The following ALG5 variants were observed in gnomAD, a reference collection of about 807,000 sequenced individuals.
ALG5 encodes dolichyl-phosphate beta-glucosyltransferase.
A neutral mutation model predicts 51.8 loss-of-function variants in ALG5; 26 were observed. That is an observed-to-expected ratio of 0.50 (90% CI 0.37 to 0.70). The LOEUF (loss-of-function observed/expected upper bound fraction) is 0.70, where lower values mean the gene tolerates loss of function less well. ALG5 is among the 30% of genes least tolerant of loss of function. The probability of loss-of-function intolerance (pLI) is 0.00; values close to 1 mark genes in which losing one functional copy is unlikely to be tolerated. For missense variants in ALG5, 311 were observed against 399.3 expected (o/e 0.78, Z 1.88); for synonymous variants, 141 against 136.1 (o/e 1.04, Z -0.25).
intron 9 of ALG5, among the ~76,000 whole-genome samples, chr13:36,951,296 C>T (rs1244129642): frequency 3.0e-4 from 46 of 152,198 alleles, no homozygotes; most frequent in Admixed American, 3.0e-3. Flanking sequence ...ATCCTTTGAC[C>T]TGCTTCCCAA....
At chr13:36,959,927 G>A (rs759976943) in intron 8 of ALG5, among the ~76,000 whole-genome samples, 8 of 151,878 alleles carry the variant, frequency 5.3e-5, no homozygotes, top group Non-Finnish European at 1.2e-4. Flanking sequence ...GACATGAGCT[G>A]ACTGAGATGT....
At chr13:36,987,939 T>C (rs567732789) in intron 5 of ALG5, among the ~76,000 whole-genome samples, 9 of 152,326 alleles carry the variant, frequency 5.9e-5, no homozygotes, top group African/African-American at 2.2e-4. Flanking sequence ...GTTTGTGACC[T>C]TAACTCACCC....
At position 36,999,321 on chromosome 13, in the gene ALG5, G is replaced by T. The variant is rs758874777; in HGVS notation, c.-21C>A. ...GCCATTCTCCATGCCGTGGCAGCCCGCCCAATCCCGCACCTCCACACAGGC... is the reference window on the plus strand; with the variant it reads ...GCCATTCTCCATGCCGTGGCAGCCCTCCCAATCCCGCACCTCCACACAGGC... On this transcript the variant is annotated 5_prime_UTR_variant, in exon 1 of 10. Transcript: ENST00000239891. The T allele has an allele frequency of 4.5e-6, 7 of 1,561,568 alleles. No individual in the cohort carries two copies. The Admixed American group carries it at 9.6e-5, about 21-fold the overall frequency.
At chr13:36,962,158 C>A (rs907590368) in intron 8 of ALG5, among the ~76,000 whole-genome samples, 1 of 151,992 alleles carries the variant, frequency 6.6e-6, no homozygotes, top group African/African-American at 2.4e-5. Flanking sequence ...TATTTGATTT[C>A]GATTTCTTGA....
rs145198826 is a variant in ALG5 at position 36,993,492 on chromosome 13, G to C, written c.354+112C>G. The stretch of plus-strand genomic sequence containing the variant: ...CTGCTATCTAGACTATAACAATGGA[G>C]AGTGTTAGGCACAGCTTTAGGGTCC... On this transcript the variant is annotated intron_variant, in intron 4 of 9. Coordinates refer to ENST00000239891, the MANE Select transcript of ALG5 (RefSeq NM_013338.5). The C allele has an allele frequency of 3.2e-4, 267 of 832,146 alleles. 1 individual carries two copies. The African/African-American group carries it at 3.3e-3, about 10-fold the overall frequency. The allele number at this position is 832,146 out of a possible 1,614,324, so 51.5% of individuals were successfully genotyped here. A position where few individuals can be genotyped will look rare whatever the true frequency, so the allele number is the denominator to read the frequency against.
chr13:36,990,393 C>G (rs1018126302), intron 4 of ALG5, among the ~76,000 whole-genome samples: 1 of 152,212 alleles, frequency 6.6e-6, no homozygotes, highest in African/African-American at 2.4e-5. Flanking sequence ...TTGCTCTCAT[C>G]TGGCCTTTGC....
chr13:36,964,079 G>C (rs1255249201), intron 8 of ALG5, among the ~76,000 whole-genome samples: 3 of 152,106 alleles, frequency 2.0e-5, no homozygotes, highest in Non-Finnish European at 4.4e-5. Context: ...AAATGTCATA[G>C]GTGCTATGAA....
rs117671600 is a variant in ALG5, at chr13:36,972,719, G to A, written c.562-683C>T. Among the ~76,000 whole-genome samples, 1,491 of 152,252 alleles carry A rather than the reference G, an allele frequency of 9.8e-3. 13 individuals are homozygous for A. Among genetic ancestry groups the A allele is most frequent in the Non-Finnish European group, 0.014 (981 of 68,016 alleles). On this transcript the variant is annotated intron_variant, in intron 6 of 9. Transcript: ENST00000239891. ...AAAAAGTCAATGCTTCTGGCCGGGC[G>A]TGGTGGCTCACGCCTGTAATCGCAG... is the stretch of plus-strand genomic sequence containing the variant.
In ALG5 at chr13:36,987,661, C is replaced by G. The variant is rs1043678461; in HGVS notation, c.447+1823G>C. 5.9e-5 allele frequency among the ~76,000 whole-genome samples: 9 copies of G among 152,302 alleles called. No homozygotes were observed. The South Asian group carries it at 8.3e-4, about 14-fold the overall frequency. ...ATGCAGAACCGTCAATCAATCACAT[C>G]TCTTTTCTTTATATGTTATCCAGTC... On this transcript the variant is annotated intron_variant, in intron 5 of 9. Transcript: ENST00000239891.
chr13:36,964,091 A>G (rs972555136), intron 8 of ALG5, among the ~76,000 whole-genome samples: 1 of 152,242 alleles, frequency 6.6e-6, no homozygotes, highest in Non-Finnish European at 1.5e-5. Context: ...TGCTATGAAT[A>G]CAGCACATGG....
intron 6 of ALG5, among the ~76,000 whole-genome samples, chr13:36,976,772 T>C (rs372126687): frequency 1.3e-5 from 2 of 152,084 alleles, no homozygotes; most frequent in African/African-American, 4.8e-5. Context: ...TTGTGTTATA[T>C]ACTTTGCCTA....
At chr13:36,986,825 G>T (rs1181880472) in intron 5 of ALG5, among the ~76,000 whole-genome samples, 1 of 152,154 alleles carries the variant, frequency 6.6e-6, no homozygotes, top group African/African-American at 2.4e-5. Context: ...TACTTGGGAG[G>T]CTGAGGTGGT....
intron 2 of ALG5, 114 bp downstream of exon 2, chr13:36,995,311 C>T: frequency 8.8e-7 from 1 of 1,130,344 alleles, no homozygotes; most frequent in Non-Finnish European, 1.3e-6. Flanking sequence ...CAACTGTGTG[C>T]TCAACACAGC....
At chr13:36,957,656 G>A (rs1473407883) in intron 8 of ALG5, among the ~76,000 whole-genome samples, 1 of 152,046 alleles carries the variant, frequency 6.6e-6, no homozygotes, top group African/African-American at 2.4e-5. Flanking sequence ...CTAGGAATCC[G>A]AAACTCTCCC....
intron 6 of ALG5, among the ~76,000 whole-genome samples, chr13:36,982,863 A>G: frequency 6.6e-6 from 1 of 152,196 alleles, no homozygotes. Flanking sequence ...AATTAATTCA[A>G]TTGAGCTGGG....
In ALG5 at chr13:36,963,218, C is replaced by A. The variant is rs561824387; in HGVS notation, c.773+2357G>T. ...CTCCCCACCTTGGCCTCCCAAAGAA[C>A]TGGGATTACAGGCATGAGCCATCTT... is the stretch of plus-strand genomic sequence containing the variant. On this transcript the variant is annotated intron_variant, in intron 8 of 9. Transcript: ENST00000239891. Among the ~76,000 whole-genome samples, 3 of 152,276 alleles carry A rather than the reference C, an allele frequency of 2.0e-5. No individual in the cohort carries two copies. The East Asian group carries it at 5.8e-4, about 29-fold the overall frequency.
At chr13:36,994,965 A>C in intron 3 of ALG5, 24 bp downstream of exon 3, 1 of 1,601,010 alleles carries the variant, frequency 6.2e-7, no homozygotes, top group Non-Finnish European at 8.5e-7. Flanking sequence ...TGGAGATATC[A>C]TATTAAAAGA....
chr13:36,953,933 AT>A (rs1402969090), intron 8 of ALG5, among the ~76,000 whole-genome samples: 1 of 152,186 alleles, frequency 6.6e-6, no homozygotes, highest in Non-Finnish European at 1.5e-5. Flanking sequence ...AGTTCTAATG[AT>A]ACTTGATAAC....
At chr13:36,990,008 A>T (rs1412192870) in intron 4 of ALG5, among the ~76,000 whole-genome samples, 1 of 152,190 alleles carries the variant, frequency 6.6e-6, no homozygotes, top group Non-Finnish European at 1.5e-5. Context: ...TTCCCCAGAG[A>T]GGCTGTTTGT....
Sources: gnomAD v4.1 joint callset for allele counts (sites outside exome capture counted in the v4.1 genomes callset) on GRCh38, gnomAD v4.1.1 for gene constraint, MANE v1.5 for transcripts, NCBI Gene and HGNC (gene_info 2026-07-23, HGNC 2026-07-21) for gene names.